The following ARMC7 variants were observed in gnomAD, a reference collection of about 807,000 sequenced individuals.
ARMC7 encodes the protein armadillo repeat-containing protein 7.
Under a neutral mutation model 14.8 loss-of-function variants are expected in ARMC7, and 9 were observed. That is an observed-to-expected ratio of 0.61 (90% CI 0.37 to 1.06). The LOEUF is 1.06. Ranked by LOEUF, ARMC7 falls within the 50% of genes least tolerant of loss-of-function variation. ARMC7 has a pLI of 0.01. For missense variants in ARMC7, 262 were observed against 267.1 expected (o/e 0.98, Z 0.13); for synonymous variants, 125 against 123.4 (o/e 1.01, Z -0.09).
At chr17:75,125,253 T>TC (rs1005839060) in intron 2 of ARMC7, among the ~76,000 whole-genome samples, 3 of 151,910 alleles carry the variant, frequency 2.0e-5, no homozygotes, top group East Asian at 1.9e-4. Context: ...TTGAACCCTT[T>TC]CCCCCCCGGG....
intron 2 of ARMC7, among the ~76,000 whole-genome samples, chr17:75,122,318 T>G (rs1277819246): frequency 6.6e-6 from 1 of 151,526 alleles, no homozygotes; most frequent in Non-Finnish European, 1.5e-5. Flanking sequence ...AGAGCAAAAC[T>G]CCGTCTCAAA....
chr17:75,111,987 G>A (rs563933972), intron 2 of ARMC7, among the ~76,000 whole-genome samples: 1 of 151,434 alleles, frequency 6.6e-6, no homozygotes. Context: ...CAGGTGGTTA[G>A]CAAACAAAAA....
In ARMC7 at chr17:75,119,861, ACCAGGTG is replaced by A. The variant is rs1380492081; in HGVS notation, c.236-8804_236-8798del. ...GCCCTTGCCGAGGGCCTGCCCAGCC[ACCAGGTG>A]CCAGGTGCCAGCTAAGCACTTGTCA... On this transcript the variant is annotated intron_variant, in intron 2 of 2. Transcript: ENST00000245543. Among the ~76,000 whole-genome samples the A allele has an allele frequency of 3.3e-5, 5 of 152,116 alleles. No individual in the cohort carries two copies. In the South Asian group the frequency reaches 8.3e-4, roughly 25 times the overall value.
chr17:75,112,649 C>T (rs776287660), intron 2 of ARMC7, among the ~76,000 whole-genome samples: 11 of 144,286 alleles, frequency 7.6e-5, no homozygotes, highest in Non-Finnish European at 1.5e-4. Flanking sequence ...GATCATAGCT[C>T]ACCATAAACT....
intron 2 of ARMC7, among the ~76,000 whole-genome samples, chr17:75,111,534 C>T (rs886204700): frequency 2.7e-5 from 4 of 149,698 alleles, no homozygotes; most frequent in Admixed American, 1.3e-4. Context: ...ACTTGAGTTC[C>T]GGAGTTCAAG....
intron 2 of ARMC7, chr17:75,114,164 C>A (rs1482246512): frequency 7.5e-6 from 3 of 401,258 alleles, no homozygotes; most frequent in Admixed American, 4.4e-5. Flanking sequence ...CCTCTGCCCC[C>A]ACAGCTGCTG....
intron 2 of ARMC7, among the ~76,000 whole-genome samples, chr17:75,124,223 TACCCG>T (rs1189091404): frequency 6.6e-6 from 1 of 152,178 alleles, no homozygotes; most frequent in African/African-American, 2.4e-5. Flanking sequence ...TAAGGGACAC[TACCCG>T]CTAGGCAGAG....
intron 2 of ARMC7, among the ~76,000 whole-genome samples, chr17:75,118,577 C>T (rs1486393427): frequency 3.3e-5 from 5 of 152,226 alleles, no homozygotes; most frequent in South Asian, 4.1e-4. Context: ...AGAACACGCA[C>T]GGGTTTTCAA....
chr17:75,129,074 C>A lies in ARMC7; in HGVS notation c.*36C>A. 6.4e-7 allele frequency: 1 copy of A among 1,565,838 alleles called. No individual in the cohort carries two copies. On this transcript the variant is annotated 3_prime_UTR_variant, in exon 3 of 3. Coordinates refer to ENST00000245543, the MANE Select transcript of ARMC7 (RefSeq NM_024585.4). ...CTGCGAGACCGTGGCACCCCTACTG[C>A]TGGAGACCACAGTCCTGATGTGGAC...
Position 75,129,080 on chromosome 17 carries a change from A to T in ARMC7, c.*42A>T. 1 of 1,556,342 alleles carries T rather than the reference A, an allele frequency of 6.4e-7. No individual in the cohort carries two copies. The highest frequency in any genetic ancestry group is 1.2e-5 in the South Asian group (1 of 84,452). On this transcript the variant is annotated 3_prime_UTR_variant, in exon 3 of 3. Transcript: ENST00000245543. The stretch of plus-strand genomic sequence containing the variant: ...GACCGTGGCACCCCTACTGCTGGAG[A>T]CCACAGTCCTGATGTGGACGCAGGG...
At chr17:75,117,089 T>G (rs1240053391) in intron 2 of ARMC7, among the ~76,000 whole-genome samples, 1 of 152,190 alleles carries the variant, frequency 6.6e-6, no homozygotes, top group Non-Finnish European at 1.5e-5. Flanking sequence ...TGGTTTTGGT[T>G]TTTTTGAGAC....
chr17:75,115,562 C>G (rs928786959), intron 2 of ARMC7, among the ~76,000 whole-genome samples: 1 of 151,694 alleles, frequency 6.6e-6, no homozygotes, highest in African/African-American at 2.4e-5. Flanking sequence ...GGAACCAAAA[C>G]CATTGTCTGC....
chr17:75,126,573 G>T (rs549931232), intron 2 of ARMC7, among the ~76,000 whole-genome samples: 2 of 150,010 alleles, frequency 1.3e-5, no homozygotes, highest in South Asian at 4.2e-4. Flanking sequence ...ACAATACATT[G>T]TTTTTTTGTT....
Position 75,128,937 on chromosome 17 carries a change from G to A in ARMC7, c.496G>A (p.Asp166Asn). The A allele has an allele frequency of 1.9e-6, 3 of 1,607,442 alleles. No individual in the cohort carries two copies. The highest frequency in any genetic ancestry group is 2.5e-6 in the Non-Finnish European group (3 of 1,179,652). The change falls in exon 3 of 3, where the codon GAC becomes AAC. Residue 166 changes from aspartate (D) to asparagine (N), a missense_variant. Transcript: ENST00000245543. Reference protein sequence around the residue: ...LRNLAQIFLEDFCSPRQVAEA... With the variant: ...LRNLAQIFLENFCSPRQVAEA... Reference sequence around the variant, plus strand: ...GAACCTGGCACAGATCTTCCTGGAGGACTTCTGCTCCCCCCGCCAGGTGGC... The same window carrying A: ...GAACCTGGCACAGATCTTCCTGGAGAACTTCTGCTCCCCCCGCCAGGTGGC...
intron 2 of ARMC7, among the ~76,000 whole-genome samples, chr17:75,111,614 T>C (rs1420996776): frequency 6.9e-6 from 1 of 144,452 alleles, no homozygotes; most frequent in Non-Finnish European, 1.5e-5. Flanking sequence ...TAGTCTGGCG[T>C]GGTGTCCCAG....
At position 75,130,193 on chromosome 17, in the gene ARMC7, C is replaced by T. The variant is rs1317714116; in HGVS notation, c.*1155C>T. 5.5e-6 allele frequency: 2 copies of T among 361,560 alleles called. No individual in the cohort carries two copies. The highest frequency in any genetic ancestry group is 4.1e-5 in the African/African-American group (2 of 48,330). 22.4% of individuals were successfully genotyped at this position (361,560 alleles called of 1,614,324 possible). A position where few individuals can be genotyped will look rare whatever the true frequency, so the allele number is the denominator to read the frequency against. ...ATCAGCACCCGCTCAGGGAGCCTGT[C>T]CCTTTATGTTCCCAAATAAAGGGTC... On this transcript the variant is annotated 3_prime_UTR_variant, in exon 3 of 3. Coordinates refer to ENST00000245543, the MANE Select transcript of ARMC7 (RefSeq NM_024585.4).
chr17:75,128,892 T>G lies in ARMC7; in HGVS notation c.451T>G (p.Ser151Ala). The G allele has an allele frequency of 6.2e-7, 1 of 1,611,180 alleles. No individual in the cohort carries two copies. The highest frequency in any genetic ancestry group is 2.2e-5 in the East Asian group (1 of 44,866). The change falls in exon 3 of 3, where the codon TCG becomes GCG. Residue 151 changes from serine to alanine, a missense_variant. Transcript: ENST00000245543. ...GCAGTGCATGCTTCGCTTCTCCCTC[T>G]CGGCCAGCGCCAGGCTCCGGAACCT... Reference protein sequence around the residue: ...VVQCMLRFSLSASARLRNLAQ... With the variant: ...VVQCMLRFSLAASARLRNLAQ...
chr17:75,125,086 C>T (rs1463397176), intron 2 of ARMC7, among the ~76,000 whole-genome samples: 1 of 152,208 alleles, frequency 6.6e-6, no homozygotes, highest in Non-Finnish European at 1.5e-5. Flanking sequence ...GCTGCTGCTA[C>T]TCTTTCTCAG....
Position 75,122,604 on chromosome 17 carries a change from C to A in ARMC7, c.236-6073C>A, listed in dbSNP as rs939970491. 2.0e-5 allele frequency among the ~76,000 whole-genome samples: 3 copies of A among 152,134 alleles called. No homozygotes were observed. In the East Asian group the frequency reaches 5.9e-4, roughly 30 times the overall value. ...TCTTGAACTCCTGACCTCAGGTGAT[C>A]CTCCTGCCTCACCACCCAAAGTGCT... On this transcript the variant is annotated intron_variant, in intron 2 of 2. Transcript: ENST00000245543.
Sources: allele counts gnomAD v4.1 joint callset (sites outside exome capture counted in the v4.1 genomes callset), GRCh38; gene constraint gnomAD v4.1.1; transcripts MANE v1.5; gene names NCBI Gene and HGNC (gene_info 2026-07-23, HGNC 2026-07-21).